The following MAGI2 variants were observed in gnomAD, a reference collection of about 807,000 sequenced individuals.
MAGI2 encodes membrane-associated guanylate kinase, WW and PDZ domain-containing protein 2.
In MAGI2, 35 loss-of-function variants were observed where a neutral mutation model predicts 133.3. The observed-to-expected ratio is 0.26, with a 90% CI of 0.20 to 0.35. The LOEUF (loss-of-function observed/expected upper bound fraction) is 0.35. Ranked by LOEUF, MAGI2 falls within the 10% of genes least tolerant of loss-of-function variation. The probability of loss-of-function intolerance (pLI) is 1.00; values close to 1 mark genes in which losing one functional copy is unlikely to be tolerated. For synonymous variants in MAGI2, 729 were observed against 710.6 expected, an observed-to-expected ratio of 1.03 and a Z score of -0.41; for missense variants, 1,636 against 1,863.4, an observed-to-expected ratio of 0.88 and a Z score of 2.25.
At position 79,135,979 on chromosome 7, in the gene MAGI2, GAA is replaced by G. The variant is rs1356370072; in HGVS notation, c.302-128775_302-128774del. Among the ~76,000 whole-genome samples the G allele has an allele frequency of 1.2e-4, 4 of 33,036 alleles. No individual in the cohort carries two copies. The South Asian group carries it at 4.5e-3, about 37-fold the overall frequency. 21.7% of individuals were successfully genotyped at this position (33,036 alleles called of 152,430 possible). ...AGAAAGAAAGAAAGAAAGAAAGAAA[GAA>G]AGAAAGAAAGAAAGAAAGAAAGAGA... is the stretch of plus-strand genomic sequence containing the variant. On this transcript the variant is annotated intron_variant, in intron 1 of 21. Transcript: ENST00000354212.
At chr7:78,099,611 GT>G (rs141430789) in intron 20 of MAGI2, among the ~76,000 whole-genome samples, 2,778 of 152,242 alleles carry the variant, frequency 0.018, 78 homozygotes, top group African/African-American at 0.062. Context: ...ATAAAATTGT[GT>G]AAAATATGAG....
intron 20 of MAGI2, among the ~76,000 whole-genome samples, chr7:78,107,135 T>C (rs1818773602): frequency 1.3e-5 from 2 of 152,190 alleles, no homozygotes; most frequent in Admixed American, 6.5e-5. Flanking sequence ...TGTATGTTCT[T>C]GGCACCTTTC....
intron 2 of MAGI2, among the ~76,000 whole-genome samples, chr7:78,954,230 A>T (rs897380148): frequency 1.3e-5 from 2 of 152,148 alleles, no homozygotes; most frequent in African/African-American, 4.8e-5. Context: ...TCTACTTCTT[A>T]TGGAGAACCC....
At chr7:78,222,775 T>C (rs1454661185) in intron 10 of MAGI2, among the ~76,000 whole-genome samples, 4 of 152,202 alleles carry the variant, frequency 2.6e-5, no homozygotes, top group African/African-American at 7.2e-5. Context: ...GGAAACTTCA[T>C]GAGCTAACAA....
intron 1 of MAGI2, among the ~76,000 whole-genome samples, chr7:79,450,877 C>T (rs1294424261): frequency 6.6e-6 from 1 of 152,152 alleles, no homozygotes; most frequent in African/African-American, 2.4e-5. Context: ...TTAGAAAGCT[C>T]ATGATTTAAT....
At chr7:78,849,360 C>T (rs1283942594) in intron 2 of MAGI2, among the ~76,000 whole-genome samples, 1 of 151,966 alleles carries the variant, frequency 6.6e-6, no homozygotes, top group Non-Finnish European at 1.5e-5. Context: ...CAACCAACCA[C>T]CCAAACAAAA....
chr7:79,219,855 A>C (rs1308496439), intron 1 of MAGI2, among the ~76,000 whole-genome samples: 1 of 152,116 alleles, frequency 6.6e-6, no homozygotes, highest in East Asian at 1.9e-4. Context: ...TTTAACTCTA[A>C]AAATATTTGG....
At chr7:78,164,897 C>T (rs1825469880) in intron 15 of MAGI2, among the ~76,000 whole-genome samples, 1 of 152,060 alleles carries the variant, frequency 6.6e-6, no homozygotes, top group African/African-American at 2.4e-5. Context: ...AATATTTATG[C>T]TTTTCAGTAT....
chr7:78,765,343 C>CGTTTTTTTTT (rs71931638), intron 2 of MAGI2, among the ~76,000 whole-genome samples: 1 of 89,056 alleles, frequency 1.1e-5, no homozygotes, highest in Non-Finnish European at 2.0e-5. Context: ...TAGTGCACAT[C>CGTTTTTTTTT]TTTTTTTTTT....
At chr7:79,185,506 C>A (rs1026961652) in intron 1 of MAGI2, among the ~76,000 whole-genome samples, 2 of 138,600 alleles carry the variant, frequency 1.4e-5, no homozygotes, top group Non-Finnish European at 3.1e-5. Flanking sequence ...AGTTGGTTAC[C>A]AATTTGGTCA....
intron 1 of MAGI2, among the ~76,000 whole-genome samples, chr7:79,430,925 C>A (rs1208729158): frequency 6.6e-6 from 1 of 152,196 alleles, no homozygotes; most frequent in Non-Finnish European, 1.5e-5. Context: ...AAATTGCTAA[C>A]TTCAAGTATT....
At chr7:78,434,575 G>A (rs1021424494) in intron 6 of MAGI2, among the ~76,000 whole-genome samples, 3 of 152,128 alleles carry the variant, frequency 2.0e-5, no homozygotes, top group Non-Finnish European at 4.4e-5. Flanking sequence ...AATAAAAGGG[G>A]AGAGAAGGAC....
chr7:78,521,355 G>A, intron 4 of MAGI2, 75 bp downstream of exon 4: 1 of 997,446 alleles, frequency 1.0e-6, no homozygotes, highest in Non-Finnish European at 1.6e-6. Context: ...ATATCTTACT[G>A]TGTATATGTG....
intron 10 of MAGI2, among the ~76,000 whole-genome samples, chr7:78,243,666 A>G (rs1791429671): frequency 6.6e-6 from 1 of 152,210 alleles, no homozygotes; most frequent in African/African-American, 2.4e-5. Flanking sequence ...ATATATTGTC[A>G]GCATAAGAGA....
chr7:79,235,367 G>A (rs1181126768), intron 1 of MAGI2, among the ~76,000 whole-genome samples: 1 of 152,128 alleles, frequency 6.6e-6, no homozygotes, highest in Non-Finnish European at 1.5e-5. Flanking sequence ...GCAAGCCTGG[G>A]CAATGGCGGG....
rs945378519 is a variant in MAGI2 at position 78,816,742 on chromosome 7, A to G, written c.419-189503T>C. Among the ~76,000 whole-genome samples, 9 of 152,184 alleles carry G rather than the reference A, an allele frequency of 5.9e-5. No individual in the cohort carries two copies. In the East Asian group the frequency reaches 1.3e-3, roughly 23 times the overall value. Reference sequence around the variant, plus strand: ...GAGAACTACTGCTTAGAAAAAAAAAAGATTCCTTTCAAAATGTTACTGCTC... The same window carrying G: ...GAGAACTACTGCTTAGAAAAAAAAAGGATTCCTTTCAAAATGTTACTGCTC... On this transcript the variant is annotated intron_variant, in intron 2 of 21. Transcript: ENST00000354212.
intron 1 of MAGI2, among the ~76,000 whole-genome samples, chr7:79,057,059 A>C (rs1338399946): frequency 6.6e-6 from 1 of 152,214 alleles, no homozygotes; most frequent in Non-Finnish European, 1.5e-5. Flanking sequence ...TGTTGTTTTA[A>C]AATCTTACCT....
intron 1 of MAGI2, among the ~76,000 whole-genome samples, chr7:79,427,072 T>C (rs780219554): frequency 8.5e-5 from 13 of 152,360 alleles, no homozygotes; most frequent in Non-Finnish European, 1.6e-4. Flanking sequence ...AAATGTATTG[T>C]ACGTAATCTA....
At chr7:78,392,581 G>A (rs1795991611) in intron 6 of MAGI2, among the ~76,000 whole-genome samples, 1 of 152,094 alleles carries the variant, frequency 6.6e-6, no homozygotes, top group Admixed American at 6.5e-5. Flanking sequence ...GTCAAAAAGA[G>A]GAACAACATA....
Sources: allele counts gnomAD v4.1 joint callset (sites outside exome capture counted in the v4.1 genomes callset), GRCh38; gene constraint gnomAD v4.1.1; transcripts MANE v1.5; gene names NCBI Gene and HGNC (gene_info 2026-07-23, HGNC 2026-07-21).